The following DLG1 variants were observed in gnomAD, a reference collection of about 807,000 sequenced individuals.
The protein encoded by DLG1 is disks large homolog 1.
In DLG1, 42 loss-of-function variants were observed where a neutral mutation model predicts 123.4. The observed-to-expected ratio is 0.34, with a 90% CI of 0.27 to 0.44. The LOEUF (loss-of-function observed/expected upper bound fraction) is 0.44. Ranked by LOEUF, DLG1 falls within the 20% of genes least tolerant of loss-of-function variation. The probability of loss-of-function intolerance (pLI) is 1.00; values close to 1 mark genes in which losing one functional copy is unlikely to be tolerated. For synonymous variants in DLG1, 317 were observed against 356.2 expected, an observed-to-expected ratio of 0.89 and a Z score of 1.24; for missense variants, 942 against 1,082.6, an observed-to-expected ratio of 0.87 and a Z score of 1.82.
chr3:197,173,953 C>G (rs1434931831), intron 5 of DLG1, among the ~76,000 whole-genome samples: 1 of 152,152 alleles, frequency 6.6e-6, no homozygotes, highest in Admixed American at 6.5e-5. Flanking sequence ...TATGGTGGTG[C>G]ACATCTGTAA....
At chr3:197,226,994 C>T (rs776829778) in intron 4 of DLG1, among the ~76,000 whole-genome samples, 5 of 152,076 alleles carry the variant, frequency 3.3e-5, no homozygotes, top group African/African-American at 9.7e-5. Flanking sequence ...GCAGTACCTT[C>T]GCTATAATTT....
intron 4 of DLG1, among the ~76,000 whole-genome samples, chr3:197,271,645 A>T (rs1763952433): frequency 6.6e-6 from 1 of 152,224 alleles, no homozygotes; most frequent in South Asian, 2.1e-4. Context: ...GATTTTTTTC[A>T]AGTCCCACAA....
chr3:197,234,626 C>G (rs1282514565), intron 4 of DLG1, among the ~76,000 whole-genome samples: 2 of 151,986 alleles, frequency 1.3e-5, no homozygotes, highest in East Asian at 3.8e-4. Flanking sequence ...GCAAAACAAA[C>G]AAACAAAAAC....
At chr3:197,065,471 A>G (rs775620177) in intron 21 of DLG1, 23 bp from the exon 22 acceptor site, 29 of 1,556,132 alleles carry the variant, frequency 1.9e-5, no homozygotes, top group Middle Eastern at 1.7e-4. Context: ...AAAACTTGGG[A>G]AAGTGTTTAA....
chr3:197,261,027 C>G (rs1759186980), intron 4 of DLG1, among the ~76,000 whole-genome samples: 1 of 151,974 alleles, frequency 6.6e-6, no homozygotes, highest in Non-Finnish European at 1.5e-5. Flanking sequence ...ACTTTACTGC[C>G]TTACTAAATC....
rs1134986 is a variant in DLG1 at position 197,138,371 on chromosome 3, C to T, written c.734G>A (p.Arg245Gln). The change falls in exon 9 of 25, where the codon CGA becomes CAA. Residue 245 changes from arginine (R) to glutamine (Q), a missense_variant. Transcript: ENST00000667157. ...ATCACGAACATCTACTTCATTTACT[C>T]GTAATATACAGTCATTGACCCTGAG... ...GRLRVNDCIL[R>Q]VNEVDVRDVT... is the part of the protein sequence containing the mutation. The T allele has an allele frequency of 0.14, 215,287 of 1,509,212 alleles. 18,045 individuals are homozygous for T. Among genetic ancestry groups the T allele is most frequent in the South Asian group, 0.34 (24,703 of 72,506 alleles). 93.5% of individuals were successfully genotyped at this position (1,509,212 alleles called of 1,614,324 possible).
intron 16 of DLG1, among the ~76,000 whole-genome samples, chr3:197,082,888 G>A (rs1752066068): frequency 1.3e-5 from 2 of 152,122 alleles, no homozygotes; most frequent in South Asian, 4.1e-4. Context: ...AATCTCTCCA[G>A]TGAAGCCAAC....
At chr3:197,224,289 G>T (rs1036143414) in intron 4 of DLG1, among the ~76,000 whole-genome samples, 1 of 152,110 alleles carries the variant, frequency 6.6e-6, no homozygotes, top group Non-Finnish European at 1.5e-5. Flanking sequence ...GACTAGTCAT[G>T]AGCAATGCCA....
intron 5 of DLG1, among the ~76,000 whole-genome samples, chr3:197,191,178 T>C (rs566769900): frequency 6.6e-6 from 1 of 152,232 alleles, no homozygotes; most frequent in African/African-American, 2.4e-5. Flanking sequence ...GCATCCCAGT[T>C]ATGTGAATTT....
At chr3:197,267,601 T>C (rs546261497) in intron 4 of DLG1, among the ~76,000 whole-genome samples, 1 of 152,104 alleles carries the variant, frequency 6.6e-6, no homozygotes, top group Admixed American at 6.6e-5. Context: ...TAACCCAGAT[T>C]CTGACCCTCC....
chr3:197,129,470 T>A (rs1370359013), intron 11 of DLG1, among the ~76,000 whole-genome samples: 1 of 152,252 alleles, frequency 6.6e-6, no homozygotes, highest in African/African-American at 2.4e-5. Context: ...GTTTGATCTA[T>A]CTAGACCACT....
At chr3:197,202,095 T>C (rs1726058992) in intron 4 of DLG1, among the ~76,000 whole-genome samples, 1 of 152,194 alleles carries the variant, frequency 6.6e-6, no homozygotes, top group African/African-American at 2.4e-5. Flanking sequence ...TTCACCACAA[T>C]ACAGTTTATT....
At chr3:197,100,952 G>A (rs1454191426) in intron 14 of DLG1, among the ~76,000 whole-genome samples, 2 of 152,008 alleles carry the variant, frequency 1.3e-5, no homozygotes, top group South Asian at 2.1e-4. Context: ...AGAAATGTAC[G>A]TTTTTCTAAT....
At chr3:197,239,569 T>C (rs1747790772) in intron 4 of DLG1, among the ~76,000 whole-genome samples, 1 of 138,550 alleles carries the variant, frequency 7.2e-6, no homozygotes, top group South Asian at 2.5e-4. Context: ...GATACAAAAA[T>C]CCTCAATAAA....
intron 8 of DLG1, 106 bp downstream of exon 8, chr3:197,140,034 A>T: frequency 8.0e-7 from 1 of 1,248,216 alleles, no homozygotes; most frequent in Non-Finnish European, 1.1e-6. Flanking sequence ...ACCCTATGCT[A>T]GTTATCATGA....
chr3:197,142,031 T>C (rs1033235525), intron 7 of DLG1, among the ~76,000 whole-genome samples: 10 of 152,120 alleles, frequency 6.6e-5, no homozygotes, highest in Admixed American at 2.0e-4. Context: ...TTAAGAAAAT[T>C]TGCACATCTG....
intron 4 of DLG1, among the ~76,000 whole-genome samples, chr3:197,220,576 T>C (rs1314591339): frequency 1.3e-5 from 2 of 152,160 alleles, no homozygotes; most frequent in East Asian, 1.9e-4. Flanking sequence ...CAAATGCTAA[T>C]AGAAACTATT....
chr3:197,092,576 C>T (rs1758349532), intron 14 of DLG1, among the ~76,000 whole-genome samples: 1 of 152,214 alleles, frequency 6.6e-6, no homozygotes. Flanking sequence ...GCATAGTTCA[C>T]TGCAGGCTTG....
chr3:197,293,261 T>C (rs561160671), intron 3 of DLG1, among the ~76,000 whole-genome samples: 1 of 152,344 alleles, frequency 6.6e-6, no homozygotes, highest in East Asian at 1.9e-4. Context: ...GATACAACTT[T>C]AAATATTTAG....
Sources: allele counts gnomAD v4.1 joint callset (sites outside exome capture counted in the v4.1 genomes callset), GRCh38; gene constraint gnomAD v4.1.1; transcripts MANE v1.5; gene names NCBI Gene and HGNC (gene_info 2026-07-23, HGNC 2026-07-21).